The following ARHGAP27 variants were observed in gnomAD, a reference collection of about 807,000 sequenced individuals.
ARHGAP27 encodes Rho GTPase activating protein 27.
A neutral mutation model predicts 102.0 loss-of-function variants in ARHGAP27; 53 were observed. The ratio of observed to expected loss-of-function variants is 0.52; its 90% CI spans 0.42 to 0.65. The LOEUF is 0.65. Ranked by LOEUF, ARHGAP27 falls within the 30% of genes least tolerant of loss-of-function variation. ARHGAP27 has a pLI of 0.00. For synonymous variants in ARHGAP27, 525 were observed against 542.8 expected (o/e 0.97, Z 0.46); for missense variants, 1,117 against 1,256.2 (o/e 0.89, Z 1.68).
chr17:45,396,600 C>A lies in ARHGAP27; in HGVS notation c.2075-15G>T. 2 of 1,609,786 alleles carry A rather than the reference C, an allele frequency of 1.2e-6. No individual in the cohort carries two copies. The highest frequency in any genetic ancestry group is 2.2e-5 in the South Asian group (2 of 90,886). On this transcript the variant is annotated splice_polypyrimidine_tract_variant and intron_variant, in intron 15 of 19. Transcript: ENST00000685559. ...GAACACCTGGTCTAGGGCAGAGGCTCATCAGCTCCTGCCCAGCCTGCGCCC... is the reference window on the plus strand; with the variant it reads ...GAACACCTGGTCTAGGGCAGAGGCTAATCAGCTCCTGCCCAGCCTGCGCCC...
intron 4 of ARHGAP27, chr17:45,410,126 C>T: frequency 7.5e-7 from 1 of 1,336,670 alleles, no homozygotes. Context: ...GAAGTATGAG[C>T]CCCAACTTCC....
chr17:45,401,786 T>C (rs1597782103), intron 12 of ARHGAP27: 1 of 152,234 alleles, frequency 6.6e-6, no homozygotes, highest in Non-Finnish European at 1.5e-5. Flanking sequence ...AGCCCTTCTC[T>C]TTTCACCTCA....
chr17:45,407,849 AG>A (rs1345083356), intron 4 of ARHGAP27: 1 of 152,176 alleles, frequency 6.6e-6, no homozygotes, highest in Non-Finnish European at 1.5e-5. Flanking sequence ...ACAATACTTC[AG>A]GGGAAAGCAG....
chr17:45,427,033 C>G lies in ARHGAP27; in HGVS notation c.657+2590G>C, dbSNP rs1680964502. Among the ~76,000 whole-genome samples, 1 of 152,148 alleles carries G rather than the reference C, an allele frequency of 6.6e-6. No individual in the cohort carries two copies. Among genetic ancestry groups the G allele is most frequent in the South Asian group, 2.1e-4 (1 of 4,812 alleles). ...CTCTGCTCCTCCCCAAGTCATCCCC[C>G]CGTCAGGAAGCAGCACCACTGTCTG... On this transcript the variant is annotated intron_variant, in intron 4 of 19. Transcript: ENST00000685559. The surrounding 1 kb of genome is among the most constrained non-coding windows in gnomAD (Gnocchi z 4.5).
In ARHGAP27 at chr17:45,425,565, C is replaced by G. The variant is rs2049515656; in HGVS notation, c.657+4058G>C. On this transcript the variant is annotated intron_variant, in intron 4 of 19. Transcript: ENST00000685559. ...AGTCCCCCAGGGGCGAGGACTCACT[C>G]AGTTCCCAGTGGAGGAGAAGGAATG... The G allele has an allele frequency of 2.0e-6, 2 of 985,538 alleles. 1 individual carries two copies. The highest frequency in any genetic ancestry group is 9.4e-5 in the South Asian group (2 of 21,290). The allele number at this position is 985,538 out of a possible 1,614,324, so 61.0% of individuals were successfully genotyped here.
chr17:45,418,982 AG>A (rs1160320349), intron 4 of ARHGAP27, among the ~76,000 whole-genome samples: 1 of 152,056 alleles, frequency 6.6e-6, no homozygotes, highest in Admixed American at 6.5e-5. Flanking sequence ...TCTCCACTCT[AG>A]GGCCCCCCCA....
chr17:45,421,905 C>T (rs913923783), intron 4 of ARHGAP27, among the ~76,000 whole-genome samples: 5 of 152,220 alleles, frequency 3.3e-5, no homozygotes, highest in African/African-American at 1.2e-4. Flanking sequence ...GTGCCTCATA[C>T]CTGTAATCCC....
chr17:45,429,512 TGGGCGTCGTGCC>T, intron 4 of ARHGAP27, 99 bp downstream of exon 4: 1 of 1,524,960 alleles, frequency 6.6e-7, no homozygotes, highest in Non-Finnish European at 8.7e-7. Flanking sequence ...CGGACAGAGG[TGGGCGTCGTGCC>T]CGACGCTGAG....
At chr17:45,395,692 G>T in intron 19 of ARHGAP27, 52 bp downstream of exon 19, 3 of 1,569,204 alleles carry the variant, frequency 1.9e-6, no homozygotes, top group Non-Finnish European at 2.6e-6. Flanking sequence ...GAGGCGCTGG[G>T]GGCTTCAGCC....
At chr17:45,403,967 G>A (rs1318210402) in intron 10 of ARHGAP27, 62 bp downstream of exon 10, 1 of 1,553,560 alleles carries the variant, frequency 6.4e-7, no homozygotes. Context: ...TACAGGAAGT[G>A]CTCAGTGAAC....
intron 4 of ARHGAP27, among the ~76,000 whole-genome samples, chr17:45,422,809 GGAAAT>G (rs2049168534): frequency 6.6e-6 from 1 of 152,174 alleles, no homozygotes; most frequent in African/African-American, 2.4e-5. Flanking sequence ...AGGATACAAA[GGAAAT>G]GAAAGTTTGA....
intron 4 of ARHGAP27, among the ~76,000 whole-genome samples, chr17:45,414,900 A>G: frequency 1.2e-5 from 1 of 82,330 alleles, no homozygotes; most frequent in African/African-American, 4.7e-5. Flanking sequence ...TACTAAAAAT[A>G]CCAAAAAAAA....
chr17:45,414,583 G>C (rs574516136), intron 4 of ARHGAP27, among the ~76,000 whole-genome samples: 12 of 148,756 alleles, frequency 8.1e-5, no homozygotes, highest in Non-Finnish European at 1.8e-4. Flanking sequence ...CTAGCTGGCA[G>C]TACAGGCCCA....
intron 7 of ARHGAP27, 21 bp from the exon 8 acceptor site, chr17:45,404,549 G>T (rs746583272): frequency 1.2e-6 from 2 of 1,613,550 alleles, no homozygotes; most frequent in African/African-American, 2.7e-5. Flanking sequence ...AGACACAGTC[G>T]TATATGATCT....
At chr17:45,414,560 C>T (rs1364137709) in intron 4 of ARHGAP27, among the ~76,000 whole-genome samples, 2 of 151,536 alleles carry the variant, frequency 1.3e-5, no homozygotes, top group East Asian at 1.9e-4. Context: ...GCCTCAGCCT[C>T]CCAGGTAGCT....
In ARHGAP27 at chr17:45,396,047, G is replaced by T; in HGVS notation, c.2322C>A (p.Phe774Leu). Residue 774 changes from phenylalanine to leucine, a missense_variant, in exon 18 of 20, where the codon TTC becomes TTA. By Grantham distance (22) the Phe-to-Leu change is conservative. Around this residue, in one of 3 missense-constraint regions of ARHGAP27, gnomAD observed 493 missense variants for 505.5 expected, o/e 0.98. Coordinates refer to ENST00000685559, the MANE Select transcript of ARHGAP27 (RefSeq NM_001282290.2). ...VHVITGALKL[F>L]FRELPEPLFP... Reference sequence around the variant, plus strand: ...AGAGGGGCTCGGGCAGCTCCCGAAAGAAGAGCTTCAGGGCTCCGGTGATAA... The same window carrying T: ...AGAGGGGCTCGGGCAGCTCCCGAAATAAGAGCTTCAGGGCTCCGGTGATAA... The T allele has an allele frequency of 6.2e-7, 1 of 1,614,016 alleles. No homozygotes were observed. Among genetic ancestry groups the T allele is most frequent in the Non-Finnish European group, 8.5e-7 (1 of 1,179,938 alleles).
rs986107474 is a variant in ARHGAP27, at chr17:45,405,967, C to T, written c.774G>A (p.Ala258=). 54 of 1,535,510 alleles carry T rather than the reference C, an allele frequency of 3.5e-5. No individual in the cohort carries two copies. In the African/African-American group the frequency reaches 6.3e-4, roughly 18 times the overall value. Residue 258 remains alanine, a synonymous_variant, in exon 5 of 20, where the codon GCG becomes GCA. Coordinates refer to ENST00000685559, the MANE Select transcript of ARHGAP27 (RefSeq NM_001282290.2). The stretch of plus-strand genomic sequence containing the variant: ...TGTAGTAGTAGGGGCGCCCGGTGCC[C>T]GCGTCCGTGTGCGTCTCCCACACCG... ...PSPVWETHTD[A]GTGRPYYYNP... is the part of the protein sequence containing the mutation.
rs1429019732 is a variant in ARHGAP27 at position 45,402,837 on chromosome 17, G to A, written c.1639-19C>T. ...GCTGCCTCTGTGGGAGAGGGAGGAA[G>A]GTCACAGGGAGCCCTCAGTTCAGAT... is the stretch of plus-strand genomic sequence containing the variant. On this transcript the variant is annotated intron_variant, in intron 11 of 19. Transcript: ENST00000685559. 1 of 1,591,610 alleles carries A rather than the reference G, an allele frequency of 6.3e-7. No individual in the cohort carries two copies. The highest frequency in any genetic ancestry group is 1.1e-5 in the South Asian group (1 of 90,508).
intron 5 of ARHGAP27, 141 bp downstream of exon 5, chr17:45,405,535 A>C: frequency 8.6e-7 from 1 of 1,167,962 alleles, no homozygotes; most frequent in African/African-American, 1.6e-5. Flanking sequence ...TGGGAGCAGG[A>C]GAAGGGGTCA....
Sources: allele counts gnomAD v4.1 joint callset (sites outside exome capture counted in the v4.1 genomes callset), GRCh38; gene constraint gnomAD v4.1.1; regional missense constraint gnomAD v4.1.1; non-coding constraint Gnocchi (gnomAD v3.1); transcripts MANE v1.5; gene names NCBI Gene and HGNC (gene_info 2026-07-23, HGNC 2026-07-21).